The following IL17RA variants were observed in gnomAD, a reference collection of about 807,000 sequenced individuals.
IL17RA encodes the protein interleukin 17 receptor A, also known as interleukin-17 receptor A.
IL17RA carries 34 observed loss-of-function variants against 50.4 expected under a neutral mutation model. The ratio of observed to expected loss-of-function variants is 0.67; its 90% confidence interval spans 0.51 to 0.90. IL17RA has a LOEUF of 0.90. IL17RA is among the 40% of genes least tolerant of loss of function. IL17RA has a pLI of 0.00. For missense variants in IL17RA, 1,276 were observed against 1,169.8 expected (o/e 1.09, Z -1.32); for synonymous variants, 585 against 510.4 (o/e 1.15, Z -1.97).
In IL17RA at chr22:17,112,989, G is replaced by GTTTTT. The variant is rs547906480; in HGVS notation, c.*3175_*3179dup. On this transcript the variant is annotated 3_prime_UTR_variant, in exon 13 of 13. Coordinates refer to ENST00000319363, the MANE Select transcript of IL17RA (RefSeq NM_014339.7). Reference sequence around the variant, plus strand: ...TTTCCTGCCTACTATCTTGATCCTAGTTTTTTTTTTGTTTTTTTTTTTTTT... The same window carrying GTTTTT: ...TTTCCTGCCTACTATCTTGATCCTAGTTTTTTTTTTTTTTTGTTTTTTTTTTTTTT... 1.4e-5 allele frequency: 2 copies of GTTTTT among 144,876 alleles called. No homozygotes were observed. Among genetic ancestry groups the GTTTTT allele is most frequent in the African/African-American group, 2.5e-5 (1 of 39,482 alleles). The allele number at this position is 144,876 out of a possible 1,614,324, so 9.0% of individuals were successfully genotyped here.
rs2061440430 is a variant in IL17RA, at chr22:17,111,053, G to A, written c.*1233G>A. On this transcript the variant is annotated 3_prime_UTR_variant, in exon 13 of 13. Transcript: ENST00000319363. Reference sequence around the variant, plus strand: ...GCTGGTGGAGCCTGGAGGGGAAGGAGGGAGGCAGTGAGAGAGATCGGGGTG... The same window carrying A: ...GCTGGTGGAGCCTGGAGGGGAAGGAAGGAGGCAGTGAGAGAGATCGGGGTG... 6.7e-6 allele frequency: 1 copy of A among 149,938 alleles called. No individual in the cohort carries two copies. Among genetic ancestry groups the A allele is most frequent in the Non-Finnish European group, 1.5e-5 (1 of 67,684 alleles). The allele number at this position is 149,938 out of a possible 1,614,324, so 9.3% of individuals were successfully genotyped here.
At chr22:17,099,829 TATC>T (rs1309831100) in intron 4 of IL17RA, among the ~76,000 whole-genome samples, 1 of 152,194 alleles carries the variant, frequency 6.6e-6, no homozygotes, top group African/African-American at 2.4e-5. Flanking sequence ...CAAATTCAAA[TATC>T]ATTGCAACTG....
intron 1 of IL17RA, among the ~76,000 whole-genome samples, chr22:17,086,372 G>GAA: frequency 6.8e-6 from 1 of 147,584 alleles, no homozygotes; most frequent in Non-Finnish European, 1.5e-5. Flanking sequence ...CTATGTCGCA[G>GAA]AAAAAAAAAA....
At position 17,108,614 on chromosome 22, in the gene IL17RA, G is replaced by A. The variant is rs1440504602; in HGVS notation, c.1395G>A (p.Val465=). ...CGCTCCTGGGCCGGGGGGCGCCTGT[G>A]CGGCTGCGCTGCGACCACGGAAAGC... The part of the protein sequence containing the change: ...WQALLGRGAP[V]RLRCDHGKPV... The change falls in exon 13 of 13, where the codon GTG becomes GTA. Residue 465 remains valine (V), a synonymous_variant. Transcript: ENST00000319363. 2 of 1,604,502 alleles carry A rather than the reference G, an allele frequency of 1.2e-6. No homozygotes were observed. The highest frequency in any genetic ancestry group is 8.5e-7 in the Non-Finnish European group (1 of 1,179,608).
In IL17RA at chr22:17,109,458, C is replaced by G. The variant is rs753883526; in HGVS notation, c.2239C>G (p.His747Asp). 6.2e-7 allele frequency: 1 copy of G among 1,613,174 alleles called. No homozygotes were observed. The highest frequency in any genetic ancestry group is 8.5e-7 in the Non-Finnish European group (1 of 1,179,918). Residue 747 changes from histidine (H) to aspartate (D), a missense_variant, in exon 13 of 13, where the codon CAC becomes GAC. Transcript: ENST00000319363. ...PDLLPEDVRE[H>D]LEGLMLSLFE... ...CCTCCTTCCAGAGGACGTGAGGGAG[C>G]ACCTCGAAGGCTTGATGCTCTCGCT...
intron 8 of IL17RA, among the ~76,000 whole-genome samples, chr22:17,104,218 G>A (rs1163782438): frequency 1.5e-4 from 8 of 53,454 alleles, no homozygotes; most frequent in Admixed American, 4.7e-4. Flanking sequence ...AGTGGGGAGC[G>A]TGCACAGGTG....
chr22:17,097,986 C>T, intron 3 of IL17RA, 43 bp downstream of exon 3: 1 of 1,610,982 alleles, frequency 6.2e-7, no homozygotes, highest in Non-Finnish European at 8.5e-7. Context: ...TTCTCCCTGC[C>T]TCCAAGTGGC....
rs41357646 is a variant in IL17RA, at chr22:17,101,272, C to T, written c.551-724C>T. 8.3e-3 allele frequency among the ~76,000 whole-genome samples: 1,259 copies of T among 152,282 alleles called. 20 individuals are homozygous for T. The highest frequency in any genetic ancestry group is 0.029 in the African/African-American group (1,196 of 41,552). ...CATTTTTATAATCTCCAGAACCTCA[C>T]GAATTGCCTTGCATATAGTAGGTTG... On this transcript the variant is annotated intron_variant, in intron 5 of 12. Coordinates refer to ENST00000319363, the MANE Select transcript of IL17RA (RefSeq NM_014339.7).
intron 1 of IL17RA, among the ~76,000 whole-genome samples, chr22:17,094,881 T>C (rs2061363600): frequency 6.6e-6 from 1 of 151,368 alleles, no homozygotes; most frequent in African/African-American, 2.4e-5. Context: ...TTGCATAATA[T>C]TCCATAGTAG....
At chr22:17,090,289 G>T (rs913808474) in intron 1 of IL17RA, among the ~76,000 whole-genome samples, 1 of 152,192 alleles carries the variant, frequency 6.6e-6, no homozygotes, top group African/African-American at 2.4e-5. Flanking sequence ...CTCCCAAAGT[G>T]CTAGGATTAC....
chr22:17,095,335 G>A (rs1444356743), intron 1 of IL17RA, among the ~76,000 whole-genome samples: 1 of 152,210 alleles, frequency 6.6e-6, no homozygotes, highest in Non-Finnish European at 1.5e-5. Flanking sequence ...ACCAAAAACA[G>A]TATTCCATAG....
At chr22:17,105,311 C>T (rs990126343) in intron 9 of IL17RA, among the ~76,000 whole-genome samples, 14 of 152,160 alleles carry the variant, frequency 9.2e-5, no homozygotes, top group African/African-American at 2.2e-4. Context: ...CCCTAATGCA[C>T]GGGAGGCTGC....
intron 1 of IL17RA, among the ~76,000 whole-genome samples, chr22:17,085,520 C>T (rs41409045): frequency 0.032 from 4,885 of 152,154 alleles, 235 homozygotes; most frequent in African/African-American, 0.1. Context: ...GACACCTCCG[C>T]CCGGGCCGCG....
At chr22:17,105,993 TA>T in intron 11 of IL17RA, 39 bp downstream of exon 11, 2 of 1,497,742 alleles carry the variant, frequency 1.3e-6, no homozygotes, top group Non-Finnish European at 1.9e-6. Flanking sequence ...AGTCAGGCTC[TA>T]ATACCAGCAC....
At chr22:17,107,818 G>C in intron 12 of IL17RA, 50 bp downstream of exon 12, 1 of 1,542,144 alleles carries the variant, frequency 6.5e-7, no homozygotes, top group Non-Finnish European at 9.0e-7. Flanking sequence ...GCAGTGGAGG[G>C]TTCTCCTGGG....
chr22:17,107,912 A>T (rs941285967), intron 12 of IL17RA, 144 bp downstream of exon 12: 1 of 738,550 alleles, frequency 1.4e-6, no homozygotes, highest in Non-Finnish European at 2.4e-6. Flanking sequence ...CCAGTACCCC[A>T]CTCAGAAGGG....
At chr22:17,097,108 T>C (rs2061371164) in intron 2 of IL17RA, 22 bp downstream of exon 2, 5 of 1,610,248 alleles carry the variant, frequency 3.1e-6, no homozygotes, top group Non-Finnish European at 3.4e-6. Context: ...TTTTCTGTTC[T>C]TCTTCTTGTT....
At chr22:17,085,776 C>A (rs1232957834) in intron 1 of IL17RA, among the ~76,000 whole-genome samples, 2 of 152,130 alleles carry the variant, frequency 1.3e-5, no homozygotes, top group Admixed American at 6.5e-5. Context: ...CCCACGTCGT[C>A]CGTGCGGAAG....
chr22:17,098,235 C>T (rs2123798473), intron 3 of IL17RA, among the ~76,000 whole-genome samples: 1 of 152,298 alleles, frequency 6.6e-6, no homozygotes, highest in East Asian at 1.9e-4. Flanking sequence ...GACTACAGTA[C>T]CAAAAATGAA....
Sources: gnomAD v4.1 joint callset for allele counts (sites outside exome capture counted in the v4.1 genomes callset) on GRCh38, gnomAD v4.1.1 for gene constraint, MANE v1.5 for transcripts, NCBI Gene and HGNC (gene_info 2026-07-23, HGNC 2026-07-21) for gene names.